The following PLAC8L1 variants were observed in gnomAD, a reference collection of about 807,000 sequenced individuals.
PLAC8L1 encodes the protein PLAC8 like 1.
A neutral mutation model predicts 16.3 loss-of-function variants in PLAC8L1; 13 were observed. That is an observed-to-expected ratio of 0.80 (90% CI 0.52 to 1.27). The LOEUF is 1.27. PLAC8L1 is among the 50% of genes most tolerant of loss of function. The pLI, the probability that PLAC8L1 is intolerant of heterozygous loss-of-function variation, is 0.00. For missense variants in PLAC8L1, 184 were observed against 220.2 expected, an observed-to-expected ratio of 0.84 and a Z score of 1.04; for synonymous variants, 78 against 79.3, an observed-to-expected ratio of 0.98 and a Z score of 0.09.
intron 2 of PLAC8L1, among the ~76,000 whole-genome samples, chr5:146,096,189 C>T (rs1763715771): frequency 6.6e-6 from 1 of 152,178 alleles, no homozygotes; most frequent in South Asian, 2.1e-4. Context: ...CCTTGGCTTG[C>T]AGATGTGTCA....
rs911418758 is a variant in PLAC8L1 at position 146,098,150 on chromosome 5, A to G, written c.256+6T>C. 6.2e-7 allele frequency: 1 copy of G among 1,607,386 alleles called. No individual in the cohort carries two copies. Among genetic ancestry groups the G allele is most frequent in the Admixed American group, 1.7e-5 (1 of 59,520 alleles). On this transcript the variant is annotated splice_donor_region_variant and intron_variant, in intron 2 of 3. Coordinates refer to ENST00000311450, the MANE Select transcript of PLAC8L1 (RefSeq NM_001029869.3). The stretch of plus-strand genomic sequence containing the variant: ...GGAGGAACTTAAATAAGGAGGAAAA[A>G]CTTACAAATTCTCCTATCTCTGCAG...
intron 1 of PLAC8L1, among the ~76,000 whole-genome samples, chr5:146,102,140 C>T (rs1763831293): frequency 6.6e-6 from 1 of 150,700 alleles, no homozygotes; most frequent in African/African-American, 2.4e-5. Flanking sequence ...TCTGCAACCT[C>T]GAACTCCTGG....
intron 2 of PLAC8L1, among the ~76,000 whole-genome samples, chr5:146,091,817 C>G (rs1462995287): frequency 6.6e-6 from 1 of 151,898 alleles, no homozygotes; most frequent in Non-Finnish European, 1.5e-5. Flanking sequence ...TAAATAAATA[C>G]AATTAAAAGA....
intron 2 of PLAC8L1, among the ~76,000 whole-genome samples, chr5:146,097,917 C>T (rs1156333352): frequency 6.6e-6 from 1 of 152,180 alleles, no homozygotes; most frequent in African/African-American, 2.4e-5. Flanking sequence ...TGCACTTTGC[C>T]AACAGTGGAG....
chr5:146,096,690 C>A (rs1041749136), intron 2 of PLAC8L1, among the ~76,000 whole-genome samples: 45 of 151,326 alleles, frequency 3.0e-4, no homozygotes, highest in African/African-American at 1.1e-3. Context: ...CAACCCCCAA[C>A]CATAAGCTAT....
chr5:146,096,759 A>C (rs1763724507), intron 2 of PLAC8L1, among the ~76,000 whole-genome samples: 1 of 152,176 alleles, frequency 6.6e-6, no homozygotes, highest in African/African-American at 2.4e-5. Flanking sequence ...GTGCATGGCT[A>C]CTCTAGCTCT....
At chr5:146,092,527 C>G (rs1479494353) in intron 2 of PLAC8L1, among the ~76,000 whole-genome samples, 1 of 143,636 alleles carries the variant, frequency 7.0e-6, no homozygotes, top group East Asian at 2.0e-4. Flanking sequence ...ACAATGGAAT[C>G]TTTGCAGATT....
intron 2 of PLAC8L1, among the ~76,000 whole-genome samples, chr5:146,095,716 A>T (rs1763707491): frequency 6.6e-6 from 1 of 152,196 alleles, no homozygotes; most frequent in Admixed American, 6.5e-5. Flanking sequence ...TATTGGTAGG[A>T]CTATCATTCA....
At chr5:146,104,064 G>A (rs1763868517) in intron 1 of PLAC8L1, 129 bp downstream of exon 1, 1 of 1,422,130 alleles carries the variant, frequency 7.0e-7, no homozygotes, top group Non-Finnish European at 9.2e-7. Context: ...AAGTTTGCAT[G>A]GAGAAAAGAT....
intron 1 of PLAC8L1, chr5:146,103,944 G>T: frequency 1.0e-6 from 1 of 985,416 alleles, no homozygotes; most frequent in Non-Finnish European, 1.2e-6. Context: ...GTTCCACTTG[G>T]TCAGGGTTCA....
At position 146,104,452 on chromosome 5, in the gene PLAC8L1, G is replaced by A. The variant is rs776816991; in HGVS notation, c.-141C>T. 9.9e-6 allele frequency: 7 copies of A among 708,864 alleles called. No homozygotes were observed. Among genetic ancestry groups the A allele is most frequent in the Non-Finnish European group, 1.7e-5 (7 of 400,126 alleles). The allele number at this position is 708,864 out of a possible 1,614,324, so 43.9% of individuals were successfully genotyped here. On this transcript the variant is annotated 5_prime_UTR_variant, in exon 1 of 4. Transcript: ENST00000311450. ...TATTCTGGAACCTGAGGTCATAGCA[G>A]TGTAACTAACAGACATCTTTTTTCT...
In PLAC8L1 at chr5:146,098,179, C is replaced by T. The variant is rs1554124288; in HGVS notation, c.233G>A (p.Ser78Asn). The T allele has an allele frequency of 2.5e-6, 4 of 1,613,842 alleles. No homozygotes were observed. The highest frequency in any genetic ancestry group is 1.1e-5 in the South Asian group (1 of 90,972). ...TGGGWSTGLF[S>N]VCRDRRICFC... ...ACAAATTCTCCTATCTCTGCAGACA[C>T]TGAAGAGACCGGTGCTCCAGCCCCC... The change falls in exon 2 of 4, where the codon AGT becomes AAT. Residue 78 changes from serine to asparagine, a missense_variant. Transcript: ENST00000311450.
chr5:146,101,312 C>T (rs1398231507), intron 1 of PLAC8L1, among the ~76,000 whole-genome samples: 6 of 152,054 alleles, frequency 3.9e-5, no homozygotes, highest in South Asian at 2.1e-4. Flanking sequence ...AGAAAGTCCT[C>T]GCCAGAGCCC....
intron 2 of PLAC8L1, among the ~76,000 whole-genome samples, chr5:146,095,582 A>T (rs1318335078): frequency 6.6e-6 from 1 of 152,228 alleles, no homozygotes; most frequent in Non-Finnish European, 1.5e-5. Flanking sequence ...AATTTTTTTT[A>T]AATAACAGTA....
intron 2 of PLAC8L1, among the ~76,000 whole-genome samples, chr5:146,087,036 C>A (rs1433354515): frequency 6.6e-6 from 1 of 152,238 alleles, no homozygotes; most frequent in Non-Finnish European, 1.5e-5. Flanking sequence ...TCAATCCCAG[C>A]CCTCCCGTTG....
chr5:146,099,515 T>G (rs1763773814), intron 1 of PLAC8L1: 2 of 151,948 alleles, frequency 1.3e-5, no homozygotes, highest in Admixed American at 6.6e-5. Context: ...AAAAATTAGC[T>G]GGGCGTGGTG....
At position 146,104,368 on chromosome 5, in the gene PLAC8L1, G is replaced by A; in HGVS notation, c.-57C>T. 1 of 1,391,924 alleles carries A rather than the reference G, an allele frequency of 7.2e-7. No homozygotes were observed. The allele number at this position is 1,391,924 out of a possible 1,614,324, so 86.2% of individuals were successfully genotyped here. A position where few individuals can be genotyped will look rare whatever the true frequency, so the allele number is the denominator to read the frequency against. On this transcript the variant is annotated 5_prime_UTR_variant, in exon 1 of 4. Coordinates refer to ENST00000311450, the MANE Select transcript of PLAC8L1 (RefSeq NM_001029869.3). ...TCCTTTTTCCCTTTGGCAATAAGCT[G>A]GTTTCTAAACTTCGGATTAGTCCAA... is the stretch of plus-strand genomic sequence containing the variant.
At chr5:146,091,018 C>T (rs1486737982) in intron 2 of PLAC8L1, among the ~76,000 whole-genome samples, 1 of 151,822 alleles carries the variant, frequency 6.6e-6, no homozygotes, top group African/African-American at 2.4e-5. Context: ...CGCACCACTG[C>T]ACTCCAGCCC....
chr5:146,100,867 T>G (rs1763804252), intron 1 of PLAC8L1, among the ~76,000 whole-genome samples: 1 of 152,078 alleles, frequency 6.6e-6, no homozygotes, highest in African/African-American at 2.4e-5. Context: ...TAATGAAAGT[T>G]AAGTGAAGTT....
Sources: gnomAD v4.1 joint callset for allele counts (sites outside exome capture counted in the v4.1 genomes callset) on GRCh38, gnomAD v4.1.1 for gene constraint, MANE v1.5 for transcripts, NCBI Gene and HGNC (gene_info 2026-07-23, HGNC 2026-07-21) for gene names.